FGF14: variants seen among roughly 807,000 people sequenced by gnomAD.
FGF14 encodes fibroblast growth factor 14.
In FGF14, 5 loss-of-function variants were observed where a neutral mutation model predicts 25.5. That is an observed-to-expected ratio of 0.20 (90% CI 0.10 to 0.41). FGF14 has a LOEUF of 0.41. Ranked by LOEUF, FGF14 falls within the 10% of genes least tolerant of loss-of-function variation. The pLI is 1.00. For missense variants in FGF14, 222 were observed against 320.1 expected, an observed-to-expected ratio of 0.69 and a Z score of 2.34; for synonymous variants, 138 against 118.3, an observed-to-expected ratio of 1.17 and a Z score of -1.08.
intron 1 of FGF14, among the ~76,000 whole-genome samples, chr13:101,971,080 G>A (rs2139539777): frequency 6.6e-6 from 1 of 152,220 alleles, no homozygotes; most frequent in African/African-American, 2.4e-5. Context: ...ACCTTCAGAG[G>A]ATGGGTGGAA....
At chr13:102,097,499 C>G (rs1457308) in intron 1 of FGF14, among the ~76,000 whole-genome samples, 18,163 of 152,158 alleles carry the variant, frequency 0.12, 2,428 homozygotes, top group African/African-American at 0.32. Context: ...TTTTAACAGG[C>G]AGCAATTCTG....
rs547253571 is a variant in FGF14 at position 102,235,173 on chromosome 13, T to C, written c.208+166298A>G. On this transcript the variant is annotated intron_variant, in intron 1 of 4. Transcript: ENST00000376131. ...ACACAAAATCATTTGGCAGCATTTA[T>C]TCCTTTGGAAGCTATATTTTGGGAT... 5.3e-5 allele frequency among the ~76,000 whole-genome samples: 8 copies of C among 152,364 alleles called. No homozygotes were observed. In the South Asian group the frequency reaches 8.3e-4, roughly 16 times the overall value.
chr13:102,343,308 G>T (rs138309581), intron 1 of FGF14, among the ~76,000 whole-genome samples: 1 of 152,302 alleles, frequency 6.6e-6, no homozygotes, highest in East Asian at 1.9e-4. Flanking sequence ...GCAAAGGAGG[G>T]ATTGGTCAAT....
At chr13:102,187,394 A>G (rs555469704) in intron 1 of FGF14, among the ~76,000 whole-genome samples, 2 of 152,336 alleles carry the variant, frequency 1.3e-5, no homozygotes, top group East Asian at 3.9e-4. Flanking sequence ...AACATTTTAA[A>G]AAGTTTTTTA....
At chr13:102,106,028 A>G (rs2044892757) in intron 1 of FGF14, among the ~76,000 whole-genome samples, 1 of 152,234 alleles carries the variant, frequency 6.6e-6, no homozygotes, top group Admixed American at 6.5e-5. Context: ...TTCCACCTAT[A>G]GCATTTACAT....
intron 1 of FGF14, among the ~76,000 whole-genome samples, chr13:101,951,524 T>C (rs61965224): frequency 0.03 from 4,524 of 152,234 alleles, 99 homozygotes; most frequent in Middle Eastern, 0.048. Flanking sequence ...TTAAGGAACA[T>C]GGTAAAAGAA....
intron 1 of FGF14, among the ~76,000 whole-genome samples, chr13:102,143,945 A>G (rs1016010471): frequency 2.6e-5 from 4 of 152,176 alleles, no homozygotes; most frequent in African/African-American, 9.7e-5. Flanking sequence ...TTTCCTACAA[A>G]GTAGAAGTGG....
intron 1 of FGF14, among the ~76,000 whole-genome samples, chr13:101,900,453 A>G (rs1437658751): frequency 6.6e-6 from 1 of 152,198 alleles, no homozygotes; most frequent in Non-Finnish European, 1.5e-5. Flanking sequence ...GATAAAAGAG[A>G]AAAGGTACAA....
intron 1 of FGF14, among the ~76,000 whole-genome samples, chr13:102,170,452 CTA>C (rs2140671622): frequency 6.6e-6 from 1 of 152,060 alleles, no homozygotes; most frequent in African/African-American, 2.4e-5. Context: ...CTGACCTGGT[CTA>C]ACTTAGAGAG....
intron 1 of FGF14, among the ~76,000 whole-genome samples, chr13:102,145,862 A>G (rs1230907306): frequency 1.3e-5 from 2 of 152,190 alleles, no homozygotes; most frequent in Non-Finnish European, 2.9e-5. Context: ...AGTGCAAGAG[A>G]TATGAAATCC....
At chr13:102,079,923 A>G (rs1167633476) in intron 1 of FGF14, among the ~76,000 whole-genome samples, 1 of 152,192 alleles carries the variant, frequency 6.6e-6, no homozygotes, top group East Asian at 1.9e-4. Context: ...GTCTGCAAGC[A>G]GGATCAATAA....
chr13:101,788,895 TATATATATATATATAG>T (rs1295404986), intron 3 of FGF14, among the ~76,000 whole-genome samples: 77 of 49,010 alleles, frequency 1.6e-3, no homozygotes, highest in South Asian at 6.3e-3. Flanking sequence ...TATATATATA[TATATATATATATATAG>T]AGAGAGAGAG....
chr13:102,196,663 C>T (rs1012862296), intron 1 of FGF14, among the ~76,000 whole-genome samples: 2 of 152,142 alleles, frequency 1.3e-5, no homozygotes, highest in African/African-American at 4.8e-5. Flanking sequence ...AAATTCATCA[C>T]CTCACATATA....
At chr13:102,181,032 A>G (rs2048650330) in intron 1 of FGF14, among the ~76,000 whole-genome samples, 1 of 152,168 alleles carries the variant, frequency 6.6e-6, no homozygotes, top group African/African-American at 2.4e-5. Flanking sequence ...GCTTAGAGGA[A>G]GAGTCAGCCA....
intron 3 of FGF14, among the ~76,000 whole-genome samples, chr13:101,798,638 A>G (rs915264915): frequency 1.3e-5 from 2 of 152,286 alleles, no homozygotes; most frequent in Middle Eastern, 6.8e-3. Context: ...GAATCTTGCT[A>G]TGAATAGGCT....
At chr13:101,847,267 T>C (rs2043512866) in intron 3 of FGF14, among the ~76,000 whole-genome samples, 1 of 152,034 alleles carries the variant, frequency 6.6e-6, no homozygotes, top group Non-Finnish European at 1.5e-5. Context: ...GGGGTCACTG[T>C]CAGTGATCAC....
chr13:102,079,511 C>T (rs910903019), intron 1 of FGF14, among the ~76,000 whole-genome samples: 1 of 152,096 alleles, frequency 6.6e-6, no homozygotes, highest in African/African-American at 2.4e-5. Context: ...GAACTCTGAA[C>T]TTCAAGTGAT....
chr13:102,069,786 G>A (rs942321299), intron 1 of FGF14, among the ~76,000 whole-genome samples: 34 of 151,948 alleles, frequency 2.2e-4, no homozygotes, highest in African/African-American at 7.5e-4. Flanking sequence ...GAGGGTCTGC[G>A]GCTTCATTCT....
chr13:102,272,744 T>C (rs1051811973), intron 1 of FGF14, among the ~76,000 whole-genome samples: 2 of 152,086 alleles, frequency 1.3e-5, no homozygotes, highest in African/African-American at 4.8e-5. Flanking sequence ...CAAGATCGTA[T>C]AGATATTGAG....
Sources: gnomAD v4.1 joint callset for allele counts (sites outside exome capture counted in the v4.1 genomes callset) on GRCh38, gnomAD v4.1.1 for gene constraint, MANE v1.5 for transcripts, NCBI Gene and HGNC (gene_info 2026-07-23, HGNC 2026-07-21) for gene names.